The following NLRP2 variants were observed in gnomAD, a reference collection of about 807,000 sequenced individuals.
NLRP2 encodes the protein NACHT, LRR and PYD domains-containing protein 2.
In NLRP2, 107 loss-of-function variants were observed where a neutral mutation model predicts 97.2. The observed-to-expected ratio is 1.10, with a 90% CI of 0.94 to 1.29. The LOEUF (loss-of-function observed/expected upper bound fraction) is 1.29. Ranked by LOEUF, NLRP2 falls within the 50% of genes most tolerant of loss-of-function variation. The probability of loss-of-function intolerance (pLI) is 0.00; values close to 1 mark genes in which losing one functional copy is unlikely to be tolerated. For synonymous variants in NLRP2, 663 were observed against 551.5 expected, an observed-to-expected ratio of 1.20 and a Z score of -2.83; for missense variants, 1,495 against 1,330.3, an observed-to-expected ratio of 1.12 and a Z score of -1.93.
At chr19:54,986,563 T>C (rs931881257) in intron 8 of NLRP2, among the ~76,000 whole-genome samples, 13 of 151,870 alleles carry the variant, frequency 8.6e-5, no homozygotes, top group African/African-American at 3.1e-4. Context: ...CATCTTTTTT[T>C]TTTTTTTTAT....
At chr19:54,989,006 AGAGT>A (rs2072281492) in intron 8 of NLRP2, among the ~76,000 whole-genome samples, 1 of 151,816 alleles carries the variant, frequency 6.6e-6, no homozygotes, top group African/African-American at 2.4e-5. Flanking sequence ...CGCCCAGGCT[AGAGT>A]GCAGTGGAGT....
Position 54,999,474 on chromosome 19 carries a change from C to T in NLRP2, c.3051-1286C>T, listed in dbSNP as rs151333601. 3.1e-3 allele frequency among the ~76,000 whole-genome samples: 477 copies of T among 152,190 alleles called. 2 individuals are homozygous for T. Among genetic ancestry groups the T allele is most frequent in the South Asian group, 8.5e-3 (41 of 4,806 alleles). On this transcript the variant is annotated intron_variant, in intron 12 of 12. Coordinates refer to ENST00000448584, the MANE Select transcript of NLRP2 (RefSeq NM_017852.5). ...CATCTCCTCTGTTTAACTGGTACTC[C>T]GGGGTCCACTGAGTAGAAGTTGCCA...
intron 4 of NLRP2, among the ~76,000 whole-genome samples, chr19:54,978,534 C>T (rs539778234): frequency 7.9e-5 from 12 of 152,218 alleles, no homozygotes; most frequent in South Asian, 4.1e-4. Flanking sequence ...CGAGAGCCAC[C>T]GTACCCGGCC....
intron 10 of NLRP2, chr19:54,994,034 C>A: frequency 1.6e-6 from 1 of 611,448 alleles, no homozygotes; most frequent in Non-Finnish European, 2.9e-6. Flanking sequence ...TATAAACCAT[C>A]TTAAGATGCT....
intron 1 of NLRP2, among the ~76,000 whole-genome samples, chr19:54,967,739 A>C (rs763959692): frequency 2.0e-5 from 3 of 152,054 alleles, no homozygotes; most frequent in African/African-American, 4.8e-5. Flanking sequence ...AGTCCTCTTA[A>C]CAAGAAGGTA....
intron 2 of NLRP2, among the ~76,000 whole-genome samples, chr19:54,972,589 T>C (rs545638206): frequency 1.6e-4 from 25 of 151,880 alleles, no homozygotes; most frequent in Non-Finnish European, 2.9e-4. Context: ...ATCCTACCAC[T>C]ATGGCCTCCC....
chr19:54,970,373 A>G (rs1199725100), intron 2 of NLRP2, 78 bp downstream of exon 2: 1 of 1,557,018 alleles, frequency 6.4e-7, no homozygotes. Context: ...TCAGAAGGCC[A>G]GGCGCGCTGG....
At chr19:54,994,073 C>T (rs150619951) in intron 10 of NLRP2, 196 bp from the exon 11 acceptor site, 12 of 664,276 alleles carry the variant, frequency 1.8e-5, no homozygotes, top group South Asian at 5.1e-5. Flanking sequence ...CCCTTTTGCT[C>T]GCAGGTGCCA....
In NLRP2 at chr19:54,988,987, T is replaced by C. The variant is rs2072279802; in HGVS notation, c.2367-1035T>C. 2.0e-5 allele frequency among the ~76,000 whole-genome samples: 3 copies of C among 152,160 alleles called. No individual in the cohort carries two copies. The East Asian group carries it at 5.9e-4, about 30-fold the overall frequency. Reference sequence around the variant, plus strand: ...GAGTTTTTTGTTTTGAGACGGAGTCTTGCTCTGTCGCCCAGGCTAGAGTGC... The same window carrying C: ...GAGTTTTTTGTTTTGAGACGGAGTCCTGCTCTGTCGCCCAGGCTAGAGTGC... On this transcript the variant is annotated intron_variant, in intron 8 of 12. Transcript: ENST00000448584.
intron 2 of NLRP2, among the ~76,000 whole-genome samples, chr19:54,971,741 T>C (rs1186889014): frequency 2.0e-5 from 3 of 152,142 alleles, no homozygotes; most frequent in Admixed American, 2.0e-4. Flanking sequence ...TGGCCTAACA[T>C]ATCTGTGGAT....
intron 8 of NLRP2, among the ~76,000 whole-genome samples, chr19:54,987,529 G>A (rs1202429190): frequency 6.6e-6 from 1 of 152,178 alleles, no homozygotes; most frequent in African/African-American, 2.4e-5. Flanking sequence ...ATCACTTGAG[G>A]TCAGGAGTTC....
chr19:54,980,010 C>T (rs887971101), intron 4 of NLRP2, among the ~76,000 whole-genome samples: 9 of 149,440 alleles, frequency 6.0e-5, no homozygotes, highest in Non-Finnish European at 1.3e-4. Flanking sequence ...CTCCTAACCT[C>T]GTGATCCGTC....
Position 54,970,027 on chromosome 19 carries a change from G to T in NLRP2, c.12G>T (p.Ser4=), listed in dbSNP as rs764567584. 3 of 1,613,626 alleles carry T rather than the reference G, an allele frequency of 1.9e-6. No homozygotes were observed. Among genetic ancestry groups the T allele is most frequent in the African/African-American group, 2.7e-5 (2 of 75,006 alleles). The change falls in exon 2 of 13, where the codon TCG becomes TCT. Residue 4 remains serine, a synonymous_variant. Coordinates refer to ENST00000448584, the MANE Select transcript of NLRP2 (RefSeq NM_017852.5). MVS[S]AQMGFNLQAL... is the part of the protein sequence containing the mutation. ...CCACGTGGGACAAGATGGTGTCTTCGGCGCAGATGGGCTTCAACCTGCAGG... is the reference window on the plus strand; with the variant it reads ...CCACGTGGGACAAGATGGTGTCTTCTGCGCAGATGGGCTTCAACCTGCAGG...
intron 4 of NLRP2, among the ~76,000 whole-genome samples, chr19:54,978,976 T>C (rs1180841502): frequency 1.3e-5 from 2 of 151,930 alleles, no homozygotes; most frequent in African/African-American, 4.8e-5. Context: ...GACTTTGTGA[T>C]AGGTTTTTTC....
intron 8 of NLRP2, 100 bp from the exon 9 acceptor site, chr19:54,989,922 C>T (rs890743920): frequency 1.7e-4 from 222 of 1,276,984 alleles, no homozygotes; most frequent in East Asian, 7.0e-5. Context: ...ACCCAGGAGG[C>T]GGAGGTTGCT....
chr19:54,983,385 G>A lies in NLRP2; in HGVS notation c.1687G>A (p.Glu563Lys), dbSNP rs777904026. 5.0e-6 allele frequency: 8 copies of A among 1,614,096 alleles called. No homozygotes were observed. The highest frequency in any genetic ancestry group is 1.1e-5 in the South Asian group (1 of 91,086). ...CTACTACTCCTTTGGCCTCGCTAAC[G>A]AGAAGAGAGCCAAGGAGTTGGAGGC... ...AGYYSFGLAN[E>K]KRAKELEATF... The change falls in exon 6 of 13, where the codon GAG becomes AAG. Residue 563 changes from glutamate to lysine, a missense_variant. Transcript: ENST00000448584.
intron 7 of NLRP2, 35 bp downstream of exon 7, chr19:54,985,252 A>T: frequency 6.3e-7 from 1 of 1,595,956 alleles, no homozygotes; most frequent in Middle Eastern, 1.7e-4. Context: ...TCAAATCCTT[A>T]GGGTATGAAA....
chr19:54,985,316 A>T, intron 7 of NLRP2, 99 bp downstream of exon 7: 1 of 1,121,190 alleles, frequency 8.9e-7, no homozygotes, highest in Non-Finnish European at 1.3e-6. Flanking sequence ...TAGACTCTTA[A>T]GTGCTCGAGA....
intron 7 of NLRP2, 90 bp downstream of exon 7, chr19:54,985,307 A>T (rs1296258344): frequency 1.6e-6 from 2 of 1,213,922 alleles, no homozygotes; most frequent in Non-Finnish European, 2.4e-6. Flanking sequence ...TTCCTGTACT[A>T]GACTCTTAAG....
Sources: allele counts gnomAD v4.1 joint callset (sites outside exome capture counted in the v4.1 genomes callset), GRCh38; gene constraint gnomAD v4.1.1; transcripts MANE v1.5; gene names NCBI Gene and HGNC (gene_info 2026-07-23, HGNC 2026-07-21).